The following FAM186A variants were observed in gnomAD, a reference collection of about 807,000 sequenced individuals.
FAM186A encodes the protein protein FAM186A.
FAM186A carries 163 observed loss-of-function variants against 216.8 expected under a neutral mutation model. The ratio of observed to expected loss-of-function variants is 0.75; its 90% CI spans 0.66 to 0.86. The LOEUF (loss-of-function observed/expected upper bound fraction) is 0.86, where lower values mean the gene tolerates loss of function less well. Among genes scored for constraint, FAM186A ranks in the 40% least tolerant of loss-of-function variants. FAM186A has a pLI of 0.00. For missense variants in FAM186A, 2,184 were observed against 2,746.2 expected (o/e 0.80, Z 4.58); for synonymous variants, 805 against 1,025.3 (o/e 0.79, Z 4.10).
intron 1 of FAM186A, among the ~76,000 whole-genome samples, chr12:50,382,575 C>T (rs12308132): frequency 0.012 from 1,755 of 151,980 alleles, 45 homozygotes; most frequent in African/African-American, 0.041. Flanking sequence ...TGGCTCACAC[C>T]TGTAATCCCA....
chr12:50,330,642 T>A lies in FAM186A; in HGVS notation c.6965A>T (p.Asp2322Val), dbSNP rs777843208. The change falls in exon 7 of 8, where the codon GAT becomes GTT. Residue 2322 changes from aspartate to valine, a missense_variant. Physicochemically the swap from Asp to Val is radical, Grantham distance 152 (BLOSUM62 -3). Around this residue, in one of 7 missense-constraint regions of FAM186A, gnomAD observed 721 missense variants for 816.4 expected, o/e 0.88. Coordinates refer to ENST00000327337, the MANE Select transcript of FAM186A (RefSeq NM_001145475.3). Reference sequence around the variant, plus strand: ...TTCTAACTGAAGCAGCCTGGGAATATCTGGGTACCCACCCAGCTGGGCCCA... The same window carrying A: ...TTCTAACTGAAGCAGCCTGGGAATAACTGGGTACCCACCCAGCTGGGCCCA... ...SLWAQLGGYPDIPRLLQLEVQ... is the reference protein window; with the variant it reads ...SLWAQLGGYPVIPRLLQLEVQ... The A allele has an allele frequency of 6.4e-7, 1 of 1,550,648 alleles. No individual in the cohort carries two copies. The highest frequency in any genetic ancestry group is 1.2e-5 in the South Asian group (1 of 83,588).
chr12:50,331,245 A>G (rs1219820195), intron 6 of FAM186A, among the ~76,000 whole-genome samples: 2 of 152,106 alleles, frequency 1.3e-5, no homozygotes, highest in Non-Finnish European at 2.9e-5. Flanking sequence ...AAGGGAATTA[A>G]TACTCTTTTT....
At chr12:50,331,842 G>A in intron 5 of FAM186A, 21 bp from the exon 6 acceptor site, 1 of 1,505,378 alleles carries the variant, frequency 6.6e-7, no homozygotes, top group East Asian at 2.5e-5. Flanking sequence ...AAATAGATCA[G>A]AAAAAGGAAA....
intron 7 of FAM186A, 71 bp downstream of exon 7, chr12:50,330,502 G>C: frequency 6.8e-7 from 1 of 1,479,118 alleles, no homozygotes; most frequent in East Asian, 2.5e-5. Context: ...ACAGGAGAAA[G>C]TCAAGTTAGG....
chr12:50,379,904 G>A lies in FAM186A; in HGVS notation c.192+16389C>T, dbSNP rs535133229. 1.2e-3 allele frequency among the ~76,000 whole-genome samples: 177 copies of A among 152,208 alleles called. 2 individuals are homozygous for A. Among genetic ancestry groups the A allele is most frequent in the African/African-American group, 4.1e-3 (169 of 41,526 alleles). On this transcript the variant is annotated intron_variant, in intron 1 of 7. Transcript: ENST00000327337. ...ACTCATTTGTGCAAAATAAATACAA[G>A]AAGGATAAGCCAGAGGCTAGACAGA...
Position 50,351,022 on chromosome 12 carries a change from G to C in FAM186A, c.5810C>G (p.Ser1937Cys). Residue 1937 changes from serine (S) to cysteine (C), a missense_variant, in exon 4 of 8, where the codon TCC becomes TGC. This residue lies in a region of FAM186A where 721 missense variants were observed against 816.4 expected (regional missense o/e 0.88). Transcript: ENST00000327337. The part of the protein sequence containing the change: ...TSRHPPTLWP[S>C]PAPGKPQKSW... ...TTTCTGGGGCTTTCCAGGGGCTGGGGACGGCCATAGTGTGGGAGGATGTCT... is the reference window on the plus strand; with the variant it reads ...TTTCTGGGGCTTTCCAGGGGCTGGGCACGGCCATAGTGTGGGAGGATGTCT... 1.3e-6 allele frequency: 2 copies of C among 1,551,530 alleles called. No homozygotes were observed. Among genetic ancestry groups the C allele is most frequent in the Non-Finnish European group, 1.7e-6 (2 of 1,146,946 alleles).
At chr12:50,335,470 C>A (rs961847355) in intron 4 of FAM186A, among the ~76,000 whole-genome samples, 1 of 151,784 alleles carries the variant, frequency 6.6e-6, no homozygotes, top group African/African-American at 2.4e-5. Context: ...ATGGTGAAAC[C>A]CCATCTCCTC....
intron 1 of FAM186A, 99 bp from the exon 2 acceptor site, chr12:50,363,463 A>G: frequency 9.7e-7 from 1 of 1,027,490 alleles, no homozygotes; most frequent in Non-Finnish European, 1.4e-6. Context: ...ATTTAAAGCT[A>G]TCCAATTAAA....
At chr12:50,393,643 C>G (rs1169321542) in intron 1 of FAM186A, among the ~76,000 whole-genome samples, 1 of 150,400 alleles carries the variant, frequency 6.6e-6, no homozygotes, top group African/African-American at 2.4e-5. Flanking sequence ...GCTCAGGAGT[C>G]CAAGACCAGC....
chr12:50,388,420 C>G (rs920908784), intron 1 of FAM186A, among the ~76,000 whole-genome samples: 1 of 151,982 alleles, frequency 6.6e-6, no homozygotes. Context: ...GAGTTCGAGA[C>G]TAGCCTGGGC....
intron 1 of FAM186A, among the ~76,000 whole-genome samples, chr12:50,384,908 T>A (rs917293457): frequency 3.3e-5 from 5 of 151,852 alleles, no homozygotes; most frequent in African/African-American, 1.2e-4. Flanking sequence ...CAGGTTCAAG[T>A]GATTCTCCTG....
Position 50,366,080 on chromosome 12 carries a change from G to A in FAM186A, c.193-2716C>T. On this transcript the variant is annotated intron_variant, in intron 1 of 7. Transcript: ENST00000327337. ...ACAAGGAAGAAACAATTGAGAAGAT[G>A]TAGGAATAAAGTAATCTTATATACG... 4.2e-6 allele frequency: 3 copies of A among 717,332 alleles called. No homozygotes were observed. In the South Asian group the frequency reaches 4.3e-5, roughly 10 times the overall value. 44.4% of individuals were successfully genotyped at this position (717,332 alleles called of 1,614,324 possible).
intron 4 of FAM186A, among the ~76,000 whole-genome samples, chr12:50,345,018 A>G (rs976183805): frequency 5.9e-5 from 9 of 152,116 alleles, no homozygotes; most frequent in Admixed American, 5.2e-4. Flanking sequence ...GTGTGAGGCG[A>G]AGGCGGGTAG....
At chr12:50,330,273 C>T (rs994123444) in intron 7 of FAM186A, among the ~76,000 whole-genome samples, 2 of 152,150 alleles carry the variant, frequency 1.3e-5, no homozygotes, top group Non-Finnish European at 2.9e-5. Flanking sequence ...ATTAACAAAT[C>T]CCCAAGGATG....
At chr12:50,390,221 T>G (rs781495863) in intron 1 of FAM186A, among the ~76,000 whole-genome samples, 4 of 152,212 alleles carry the variant, frequency 2.6e-5, no homozygotes, top group Admixed American at 2.0e-4. Flanking sequence ...CAGTGCCCAG[T>G]AGTCCCCCAA....
intron 1 of FAM186A, among the ~76,000 whole-genome samples, chr12:50,376,529 G>C (rs891533308): frequency 6.6e-6 from 1 of 152,124 alleles, no homozygotes; most frequent in Non-Finnish European, 1.5e-5. Flanking sequence ...CAGGCAGGTA[G>C]TCCCTAGGAG....
intron 7 of FAM186A, among the ~76,000 whole-genome samples, chr12:50,329,444 A>G (rs1942634448): frequency 6.6e-6 from 1 of 152,196 alleles, no homozygotes; most frequent in Admixed American, 6.5e-5. Flanking sequence ...ATTTGGTTTA[A>G]TAACTGTTTT....
chr12:50,344,364 G>A (rs920568088), intron 4 of FAM186A, among the ~76,000 whole-genome samples: 3 of 152,000 alleles, frequency 2.0e-5, no homozygotes, highest in South Asian at 4.2e-4. Flanking sequence ...CAAGAATGTC[G>A]GTATTTGGTT....
intron 1 of FAM186A, among the ~76,000 whole-genome samples, chr12:50,381,362 G>A (rs1466400813): frequency 6.6e-6 from 1 of 152,142 alleles, no homozygotes; most frequent in East Asian, 1.9e-4. Flanking sequence ...GCAAGGTGAA[G>A]AGGTGCTTTA....
Sources: allele counts gnomAD v4.1 joint callset (sites outside exome capture counted in the v4.1 genomes callset), GRCh38; gene constraint gnomAD v4.1.1; regional missense constraint gnomAD v4.1.1; transcripts MANE v1.5; gene names NCBI Gene and HGNC (gene_info 2026-07-23, HGNC 2026-07-21).